LEKR1: variants seen among roughly 807,000 people sequenced by gnomAD.
LEKR1 encodes the protein leucine, glutamate and lysine rich 1.
A neutral mutation model predicts 72.4 loss-of-function variants in LEKR1; 59 were observed. The observed-to-expected ratio is 0.82, with a 90% confidence interval of 0.66 to 1.01. The LOEUF is 1.01. Among genes scored for constraint, LEKR1 ranks in the 50% least tolerant of loss-of-function variants. The probability of loss-of-function intolerance (pLI) is 0.00; values close to 1 mark genes in which losing one functional copy is unlikely to be tolerated. For missense variants in LEKR1, 728 were observed against 759.2 expected (o/e 0.96, Z 0.48); for synonymous variants, 257 against 263.2 (o/e 0.98, Z 0.23).
Position 156,981,960 on chromosome 3 carries a change from G to C in LEKR1, c.827+2685G>C, listed in dbSNP as rs543897608. Among the ~76,000 whole-genome samples, 3 of 152,274 alleles carry C rather than the reference G, an allele frequency of 2.0e-5. No individual in the cohort carries two copies. In the East Asian group the frequency reaches 5.8e-4, roughly 29 times the overall value. ...GTGGGGGCTGGGAATAGGAATGTTT[G>C]TCACCTGTAAGTTAATTCTTTGTGT... On this transcript the variant is annotated intron_variant, in intron 7 of 12. Transcript: ENST00000356539.
chr3:156,833,861 A>G (rs1712758320), intron 2 of LEKR1, among the ~76,000 whole-genome samples: 1 of 151,938 alleles, frequency 6.6e-6, no homozygotes. Context: ...AGCATACCCA[A>G]TAAAGGTAGC....
At chr3:156,945,526 A>G (rs1726600709) in intron 6 of LEKR1, among the ~76,000 whole-genome samples, 1 of 151,800 alleles carries the variant, frequency 6.6e-6, no homozygotes, top group Non-Finnish European at 1.5e-5. Context: ...ACTTTTGCCT[A>G]GTCCAATGTC....
intron 2 of LEKR1, among the ~76,000 whole-genome samples, chr3:156,840,266 C>T (rs1713733996): frequency 6.6e-6 from 1 of 152,110 alleles, no homozygotes; most frequent in African/African-American, 2.4e-5. Context: ...AGGGGAGGTT[C>T]GCACCCCTAA....
chr3:157,028,272 A>G lies in LEKR1; in HGVS notation c.1538A>G (p.Lys513Arg), dbSNP rs1303741240. The change falls in exon 12 of 13, where the codon AAG becomes AGG. Residue 513 changes from lysine to arginine, a missense_variant. Lys to Arg is a conservative substitution (Grantham distance 26, BLOSUM62 2). Transcript: ENST00000356539. ...LVAEFESRLK[K>R]EIDSNDSVSE... The stretch of plus-strand genomic sequence containing the variant: ...GCAGAATTTGAATCTCGCTTGAAGA[A>G]GGAAATTGACAGTAATGATTCAGTT... 1 of 1,613,688 alleles carries G rather than the reference A, an allele frequency of 6.2e-7. No individual in the cohort carries two copies. Among genetic ancestry groups the G allele is most frequent in the South Asian group, 1.1e-5 (1 of 91,056 alleles).
intron 4 of LEKR1, among the ~76,000 whole-genome samples, chr3:156,924,149 C>T (rs1724489039): frequency 6.6e-6 from 1 of 152,120 alleles, no homozygotes; most frequent in Admixed American, 6.6e-5. Context: ...CTATTGTCTG[C>T]CTGTTTTGTT....
chr3:156,835,252 A>T (rs1712951150), intron 2 of LEKR1, among the ~76,000 whole-genome samples: 1 of 152,250 alleles, frequency 6.6e-6, no homozygotes, highest in Non-Finnish European at 1.5e-5. Flanking sequence ...AAGCCAAAAC[A>T]TTGTATGATA....
intron 12 of LEKR1, 72 bp from the exon 13 acceptor site, chr3:157,045,268 T>C: frequency 1.6e-6 from 2 of 1,263,200 alleles, no homozygotes; most frequent in Non-Finnish European, 2.2e-6. Context: ...TCAAATTGTA[T>C]TGTCCGTAAC....
In LEKR1 at chr3:156,993,223, C is replaced by T. The variant is rs867747738; in HGVS notation, c.1055C>T (p.Thr352Ile). 1 of 1,611,702 alleles carries T rather than the reference C, an allele frequency of 6.2e-7. No individual in the cohort carries two copies. The highest frequency in any genetic ancestry group is 1.7e-5 in the Admixed American group (1 of 59,634). The change falls in exon 9 of 13, where the codon ACC becomes ATC. Residue 352 changes from threonine (T) to isoleucine (I), a missense_variant. Coordinates refer to ENST00000356539, the MANE Select transcript of LEKR1 (RefSeq NM_001004316.3). ...CTTGCAGAAAATGAACTGGAGATAA[C>T]CAAAACTCTTCTGAATCAGACAAGG... The part of the protein sequence containing the change: ...INLAENELEI[T>I]KTLLNQTREE...
intron 2 of LEKR1, among the ~76,000 whole-genome samples, chr3:156,840,620 T>A (rs75515287): frequency 3.9e-4 from 60 of 152,358 alleles, no homozygotes; most frequent in African/African-American, 1.4e-3. Context: ...ATTGTGCATG[T>A]ACCTTTGGGC....
chr3:156,928,845 T>C (rs1371615267), intron 5 of LEKR1, among the ~76,000 whole-genome samples: 2 of 152,078 alleles, frequency 1.3e-5, no homozygotes, highest in African/African-American at 4.8e-5. Context: ...GATTAACTTC[T>C]TGTTAAAATA....
chr3:156,957,334 G>A (rs988459245), intron 6 of LEKR1, among the ~76,000 whole-genome samples: 3 of 151,916 alleles, frequency 2.0e-5, no homozygotes, highest in Non-Finnish European at 4.4e-5. Context: ...AGTTACATCA[G>A]AATAGGTGTA....
At chr3:156,871,203 G>A (rs1056221042) in intron 3 of LEKR1, among the ~76,000 whole-genome samples, 9 of 151,728 alleles carry the variant, frequency 5.9e-5, no homozygotes, top group East Asian at 1.9e-4. Flanking sequence ...GAGAATATGC[G>A]GTGTTTGGTT....
At chr3:156,844,867 G>A (rs1289890161) in intron 2 of LEKR1, among the ~76,000 whole-genome samples, 2 of 149,670 alleles carry the variant, frequency 1.3e-5, no homozygotes, top group African/African-American at 4.9e-5. Flanking sequence ...TGGGATAAAT[G>A]GCCAAGAGTT....
At chr3:156,979,621 TTTA>T (rs1400520530) in intron 7 of LEKR1, 1 of 158,778 alleles carries the variant, frequency 6.3e-6, no homozygotes, top group African/African-American at 2.4e-5. Context: ...TCTTTGTTTC[TTTA>T]TTATCTCTCC....
At chr3:156,971,412 T>C (rs1017058338) in intron 6 of LEKR1, among the ~76,000 whole-genome samples, 3 of 152,154 alleles carry the variant, frequency 2.0e-5, no homozygotes, top group Non-Finnish European at 4.4e-5. Flanking sequence ...GGCAATACAA[T>C]TCAGGACATA....
chr3:156,930,313 G>GT (rs1477271678), intron 5 of LEKR1, among the ~76,000 whole-genome samples: 1 of 152,014 alleles, frequency 6.6e-6, no homozygotes, highest in Admixed American at 6.6e-5. Context: ...ACAAATATGA[G>GT]TAAATATAAA....
intron 3 of LEKR1, among the ~76,000 whole-genome samples, chr3:156,865,569 T>C (rs1487116243): frequency 6.7e-6 from 1 of 149,984 alleles, no homozygotes; most frequent in East Asian, 2.0e-4. Context: ...GTCCATTCTT[T>C]GTTTGCACAT....
At chr3:156,998,072 A>T (rs1245835093) in intron 9 of LEKR1, among the ~76,000 whole-genome samples, 2 of 151,976 alleles carry the variant, frequency 1.3e-5, no homozygotes. Context: ...CATAAGGATG[A>T]TGTCAGAGAA....
intron 6 of LEKR1, among the ~76,000 whole-genome samples, chr3:156,967,756 A>C (rs1728764939): frequency 6.6e-6 from 1 of 152,208 alleles, no homozygotes; most frequent in African/African-American, 2.4e-5. Context: ...CAACATTCAA[A>C]TTCAGGAGAT....
Sources: allele counts gnomAD v4.1 joint callset (sites outside exome capture counted in the v4.1 genomes callset), GRCh38; gene constraint gnomAD v4.1.1; transcripts MANE v1.5; gene names NCBI Gene and HGNC (gene_info 2026-07-23, HGNC 2026-07-21).